GM2A: variants seen among roughly 807,000 people sequenced by gnomAD.
GM2A encodes the protein GM2 ganglioside activator.
GM2A carries 7 observed loss-of-function variants against 12.9 expected under a neutral mutation model. The observed-to-expected ratio is 0.54, with a 90% confidence interval of 0.31 to 1.02. The LOEUF is 1.02. GM2A is among the 50% of genes least tolerant of loss of function. GM2A has a pLI of 0.05. For missense variants in GM2A, 246 were observed against 241.0 expected, an observed-to-expected ratio of 1.02 and a Z score of -0.14; for synonymous variants, 101 against 96.0, an observed-to-expected ratio of 1.05 and a Z score of -0.30.
chr5:151,257,164 C>T (rs1367965006), intron 1 of GM2A, among the ~76,000 whole-genome samples: 1 of 152,152 alleles, frequency 6.6e-6, no homozygotes, highest in Non-Finnish European at 1.5e-5. Flanking sequence ...CCACCCCTTC[C>T]CACTAGTTGG....
intron 1 of GM2A, among the ~76,000 whole-genome samples, chr5:151,257,110 C>A (rs1417640377): frequency 1.3e-5 from 2 of 152,134 alleles, no homozygotes; most frequent in East Asian, 3.9e-4. Flanking sequence ...CTGTAGTACC[C>A]ATATCTCTGC....
chr5:151,254,486 T>C (rs1330462793), intron 1 of GM2A, among the ~76,000 whole-genome samples: 1 of 152,230 alleles, frequency 6.6e-6, no homozygotes, highest in East Asian at 1.9e-4. Flanking sequence ...TAGCTGGGAC[T>C]GCAGGTGTGG....
intron 2 of GM2A, among the ~76,000 whole-genome samples, chr5:151,262,592 C>T (rs1338197969): frequency 6.6e-6 from 1 of 152,198 alleles, no homozygotes; most frequent in African/African-American, 2.4e-5. Context: ...GCACCTCCTA[C>T]CAAGCCTTTT....
chr5:151,259,992 G>A, intron 2 of GM2A, 76 bp downstream of exon 2: 1 of 1,120,366 alleles, frequency 8.9e-7, no homozygotes, highest in Non-Finnish European at 1.3e-6. Context: ...GTATGCTTGG[G>A]GAACTGTGAA....
At position 151,267,749 on chromosome 5, in the gene GM2A, A is replaced by C; in HGVS notation, c.*298A>C. ...AAAGAGCCTCGTTCATTTCCAAAGC[A>C]GTTAAGGAATGGGAACCAGAGTGTT... On this transcript the variant is annotated 3_prime_UTR_variant, in exon 4 of 4. Transcript: ENST00000357164. The C allele has an allele frequency of 7.8e-7, 1 of 1,278,452 alleles. No homozygotes were observed. Among genetic ancestry groups the C allele is most frequent in the Non-Finnish European group, 1.0e-6 (1 of 996,612 alleles). 79.2% of individuals were successfully genotyped at this position (1,278,452 alleles called of 1,614,324 possible). A position where few individuals can be genotyped will look rare whatever the true frequency, so the allele number is the denominator to read the frequency against.
chr5:151,266,537 A>G (rs775233905), intron 2 of GM2A, among the ~76,000 whole-genome samples, 194 bp from the exon 3 acceptor site: 5 of 152,092 alleles, frequency 3.3e-5, no homozygotes, highest in Non-Finnish European at 5.9e-5. Flanking sequence ...CATGGGCACA[A>G]TAATACACTA....
chr5:151,255,361 T>A (rs1218446407), intron 1 of GM2A, among the ~76,000 whole-genome samples: 1 of 152,162 alleles, frequency 6.6e-6, no homozygotes, highest in African/African-American at 2.4e-5. Context: ...CTAGCTGTGG[T>A]CAAGACATCA....
In GM2A at chr5:151,268,613, C is replaced by A. The variant is rs1052635263; in HGVS notation, c.*1162C>A. The A allele has an allele frequency of 7.9e-6, 7 of 883,684 alleles. No individual in the cohort carries two copies. Among genetic ancestry groups the A allele is most frequent in the Admixed American group, 6.2e-5 (1 of 16,156 alleles). The allele number at this position is 883,684 out of a possible 1,614,324, so 54.7% of individuals were successfully genotyped here. On this transcript the variant is annotated 3_prime_UTR_variant, in exon 4 of 4. Transcript: ENST00000357164. Reference sequence around the variant, plus strand: ...CTGGAGTCAGTTGGAGAGTGCATAGCCAGTCTGTGAAGACAACTGCCAGAT... The same window carrying A: ...CTGGAGTCAGTTGGAGAGTGCATAGACAGTCTGTGAAGACAACTGCCAGAT...
chr5:151,255,959 A>G (rs892382868), intron 1 of GM2A, among the ~76,000 whole-genome samples: 5 of 152,246 alleles, frequency 3.3e-5, no homozygotes, highest in Admixed American at 6.5e-5. Context: ...TATAAAGGTC[A>G]CTCAAAATCA....
chr5:151,264,745 C>T (rs777502060), intron 2 of GM2A, among the ~76,000 whole-genome samples: 9 of 151,988 alleles, frequency 5.9e-5, no homozygotes, highest in African/African-American at 1.5e-4. Context: ...CTTGGGAGGC[C>T]GAGGCGGGTG....
At chr5:151,255,604 G>A (rs563823969) in intron 1 of GM2A, among the ~76,000 whole-genome samples, 2 of 152,154 alleles carry the variant, frequency 1.3e-5, no homozygotes, top group African/African-American at 4.8e-5. Context: ...GGGAGTTGTC[G>A]GTGAAGGGAA....
intron 1 of GM2A, among the ~76,000 whole-genome samples, chr5:151,256,389 A>G (rs1353278520): frequency 6.6e-6 from 1 of 152,156 alleles, no homozygotes; most frequent in African/African-American, 2.4e-5. Context: ...ACTTGAGGCC[A>G]GGAGTTTGAG....
At chr5:151,261,323 C>A (rs1200506930) in intron 2 of GM2A, among the ~76,000 whole-genome samples, 1 of 152,194 alleles carries the variant, frequency 6.6e-6, no homozygotes, top group Non-Finnish European at 1.5e-5. Context: ...CCTTGCTCAG[C>A]CCACCCAATC....
chr5:151,269,558 C>A lies in GM2A; in HGVS notation c.*2107C>A. On this transcript the variant is annotated 3_prime_UTR_variant, in exon 4 of 4. Coordinates refer to ENST00000357164, the MANE Select transcript of GM2A (RefSeq NM_000405.5). The stretch of plus-strand genomic sequence containing the variant: ...GAGGAATTTAAAAGGGAGCAAAGAC[C>A]ACCTGGTGACTATCAGGCCATGCAG... 1 of 547,912 alleles carries A rather than the reference C, an allele frequency of 1.8e-6. No individual in the cohort carries two copies. The highest frequency in any genetic ancestry group is 2.3e-6 in the Non-Finnish European group (1 of 429,916). 33.9% of individuals were successfully genotyped at this position (547,912 alleles called of 1,614,324 possible).
chr5:151,253,744 G>A (rs1753634479), intron 1 of GM2A, among the ~76,000 whole-genome samples: 1 of 152,130 alleles, frequency 6.6e-6, no homozygotes, highest in African/African-American at 2.4e-5. Flanking sequence ...TTCCAGGCCA[G>A]AGGATCCAGA....
chr5:151,264,780 G>T (rs1041921911), intron 2 of GM2A, among the ~76,000 whole-genome samples: 1 of 152,144 alleles, frequency 6.6e-6, no homozygotes, highest in South Asian at 2.1e-4. Context: ...AGGAGTTTGA[G>T]ACCAGCCTGA....
Position 151,268,704 on chromosome 5 carries a change from C to T in GM2A, c.*1253C>T, listed in dbSNP as rs1022520631. 2.3e-5 allele frequency: 13 copies of T among 553,848 alleles called. No homozygotes were observed. In the African/African-American group the frequency reaches 2.7e-4, roughly 11 times the overall value. 34.3% of individuals were successfully genotyped at this position (553,848 alleles called of 1,614,324 possible). A position where few individuals can be genotyped will look rare whatever the true frequency, so the allele number is the denominator to read the frequency against. Reference sequence around the variant, plus strand: ...CTCAAAAAAAAAGTTTCAATGTTTACTCCTAGAGAAGCCAAAAATCCAGAT... The same window carrying T: ...CTCAAAAAAAAAGTTTCAATGTTTATTCCTAGAGAAGCCAAAAATCCAGAT... On this transcript the variant is annotated 3_prime_UTR_variant, in exon 4 of 4. Coordinates refer to ENST00000357164, the MANE Select transcript of GM2A (RefSeq NM_000405.5).
chr5:151,268,248 T>C lies in GM2A; in HGVS notation c.*797T>C, dbSNP rs1203503759. The C allele has an allele frequency of 5.6e-6, 3 of 534,000 alleles. No individual in the cohort carries two copies. Among genetic ancestry groups the C allele is most frequent in the Non-Finnish European group, 7.2e-6 (3 of 418,648 alleles). The allele number at this position is 534,000 out of a possible 1,614,324, so 33.1% of individuals were successfully genotyped here. Reference sequence around the variant, plus strand: ...TCACCTCACTGCAACCTCCGCCTCCTGGGTTCAAGCAATTCTCCTGCCTCA... The same window carrying C: ...TCACCTCACTGCAACCTCCGCCTCCCGGGTTCAAGCAATTCTCCTGCCTCA... On this transcript the variant is annotated 3_prime_UTR_variant, in exon 4 of 4. Coordinates refer to ENST00000357164, the MANE Select transcript of GM2A (RefSeq NM_000405.5).
chr5:151,269,016 C>T lies in GM2A; in HGVS notation c.*1565C>T. The T allele has an allele frequency of 1.0e-6, 1 of 985,452 alleles. No individual in the cohort carries two copies. Among genetic ancestry groups the T allele is most frequent in the Non-Finnish European group, 1.2e-6 (1 of 829,950 alleles). 61.0% of individuals were successfully genotyped at this position (985,452 alleles called of 1,614,324 possible). On this transcript the variant is annotated 3_prime_UTR_variant, in exon 4 of 4. Coordinates refer to ENST00000357164, the MANE Select transcript of GM2A (RefSeq NM_000405.5). ...GCTGTGGGGATCACAAGGCTGCCTGCCTCAGTCTTGGAGTCCTGTTGGGTG... is the reference window on the plus strand; with the variant it reads ...GCTGTGGGGATCACAAGGCTGCCTGTCTCAGTCTTGGAGTCCTGTTGGGTG...
Sources: allele counts gnomAD v4.1 joint callset (sites outside exome capture counted in the v4.1 genomes callset), GRCh38; gene constraint gnomAD v4.1.1; transcripts MANE v1.5; gene names NCBI Gene and HGNC (gene_info 2026-07-23, HGNC 2026-07-21).